Variants in FCHO2 observed in about 807,000 individuals in gnomAD.
FCHO2 encodes the protein F-BAR domain only protein 2.
A neutral mutation model predicts 114.1 loss-of-function variants in FCHO2; 43 were observed. That is an observed-to-expected ratio of 0.38 (90% CI 0.30 to 0.49). FCHO2 has a LOEUF of 0.49. Ranked by LOEUF, FCHO2 falls within the 20% of genes least tolerant of loss-of-function variation. FCHO2 has a pLI of 0.97. For missense variants in FCHO2, 807 were observed against 950.4 expected, an observed-to-expected ratio of 0.85 and a Z score of 1.98; for synonymous variants, 293 against 315.2, an observed-to-expected ratio of 0.93 and a Z score of 0.75.
At chr5:72,979,366 A>AT (rs1230844885) in intron 2 of FCHO2, among the ~76,000 whole-genome samples, 2 of 109,834 alleles carry the variant, frequency 1.8e-5, no homozygotes, top group Admixed American at 1.0e-4. Flanking sequence ...GTGTCCAGGA[A>AT]TTTATCAATT....
chr5:72,968,657 A>C, intron 2 of FCHO2, 68 bp downstream of exon 2: 1 of 1,107,268 alleles, frequency 9.0e-7, no homozygotes, highest in Non-Finnish European at 1.3e-6. Context: ...GAATATAAAT[A>C]ATGGAGAAAA....
intron 1 of FCHO2, among the ~76,000 whole-genome samples, chr5:72,964,086 C>A (rs1366092541): frequency 1.3e-5 from 2 of 151,636 alleles, no homozygotes; most frequent in Non-Finnish European, 2.9e-5. Context: ...ATGAAAAATA[C>A]TTTCATTTAT....
intron 8 of FCHO2, chr5:73,020,808 G>T: frequency 2.2e-6 from 2 of 922,426 alleles, no homozygotes; most frequent in Non-Finnish European, 1.8e-6. Flanking sequence ...CCTCTTGAAT[G>T]GTCCTGTCTG....
At chr5:73,062,736 TC>T (rs1173334488) in intron 17 of FCHO2, among the ~76,000 whole-genome samples, 3 of 152,064 alleles carry the variant, frequency 2.0e-5, no homozygotes, top group African/African-American at 7.2e-5. Context: ...CAACTTTCAA[TC>T]CGTGTGACTA....
intron 1 of FCHO2, among the ~76,000 whole-genome samples, chr5:72,962,573 A>G (rs749325822): frequency 2.6e-5 from 4 of 152,126 alleles, no homozygotes; most frequent in Admixed American, 6.6e-5. Context: ...CTTGGGTTTC[A>G]GTTTTCTTAG....
intron 2 of FCHO2, among the ~76,000 whole-genome samples, chr5:72,970,764 T>G (rs1242119223): frequency 6.6e-6 from 1 of 152,168 alleles, no homozygotes; most frequent in Non-Finnish European, 1.5e-5. Flanking sequence ...GTTAGTTACA[T>G]ATGTATACAT....
chr5:72,979,378 C>CTTTTTTTTTTTTT (rs60234739), intron 2 of FCHO2, among the ~76,000 whole-genome samples: 2 of 49,770 alleles, frequency 4.0e-5, no homozygotes, highest in African/African-American at 8.2e-5. Flanking sequence ...TTATCAATTT[C>CTTTTTTTTTTTTT]TTTTTTTTTT....
chr5:72,986,891 T>C (rs555327082), intron 2 of FCHO2, among the ~76,000 whole-genome samples: 19 of 151,262 alleles, frequency 1.3e-4, no homozygotes, highest in Non-Finnish European at 2.1e-4. Flanking sequence ...TTTTCTTTTT[T>C]TTTTTTGAGA....
Position 73,059,507 on chromosome 5 carries a change from T to G in FCHO2, c.1345+983T>G, listed in dbSNP as rs1406934424. Reference sequence around the variant, plus strand: ...AAGCCATTGTTCTATCTGTCACACTTTGGCAGATTAACAGCAACAACAAAA... The same window carrying G: ...AAGCCATTGTTCTATCTGTCACACTGTGGCAGATTAACAGCAACAACAAAA... On this transcript the variant is annotated intron_variant, in intron 17 of 25. Transcript: ENST00000430046. Among the ~76,000 whole-genome samples, 9 of 152,230 alleles carry G rather than the reference T, an allele frequency of 5.9e-5. No homozygotes were observed. In the East Asian group the frequency reaches 1.7e-3, roughly 29 times the overall value.
chr5:72,986,885 C>CTT (rs202221560), intron 2 of FCHO2, among the ~76,000 whole-genome samples: 6 of 136,332 alleles, frequency 4.4e-5, no homozygotes, highest in Admixed American at 7.3e-5. Flanking sequence ...TTTTTTTTTT[C>CTT]TTTTTTTTTT....
At chr5:73,059,018 T>A (rs929014423) in intron 17 of FCHO2, among the ~76,000 whole-genome samples, 3 of 152,158 alleles carry the variant, frequency 2.0e-5, no homozygotes, top group African/African-American at 7.2e-5. Flanking sequence ...TAGAAAGGCT[T>A]TAACACTTCC....
intron 11 of FCHO2, among the ~76,000 whole-genome samples, chr5:73,048,049 A>T (rs979036456): frequency 6.6e-6 from 1 of 151,048 alleles, no homozygotes; most frequent in Non-Finnish European, 1.5e-5. Context: ...TGCCAGCTCT[A>T]CTGCTGGTCT....
chr5:72,970,405 C>T (rs1281873964), intron 2 of FCHO2, among the ~76,000 whole-genome samples: 1 of 152,128 alleles, frequency 6.6e-6, no homozygotes, highest in African/African-American at 2.4e-5. Context: ...TATAGACAGG[C>T]TTCCTCTGTC....
chr5:72,998,474 G>A lies in FCHO2; in HGVS notation c.495+7610G>A, dbSNP rs370744130. Reference sequence around the variant, plus strand: ...TGCACTCCAGTCTGGGCAACAGAGCGAAACTCCGTCTCAAAAAAGAAAAAA... The same window carrying A: ...TGCACTCCAGTCTGGGCAACAGAGCAAAACTCCGTCTCAAAAAAGAAAAAA... On this transcript the variant is annotated intron_variant, in intron 5 of 25. Transcript: ENST00000430046. 5.3e-5 allele frequency among the ~76,000 whole-genome samples: 8 copies of A among 151,628 alleles called. No homozygotes were observed. In the South Asian group the frequency reaches 1.3e-3, roughly 24 times the overall value.
intron 10 of FCHO2, among the ~76,000 whole-genome samples, chr5:73,039,054 G>C (rs1756673647): frequency 6.6e-6 from 1 of 152,132 alleles, no homozygotes; most frequent in Non-Finnish European, 1.5e-5. Flanking sequence ...AAGCCACTTA[G>C]GGTGGTTTTT....
At chr5:72,972,733 A>C (rs1253055722) in intron 2 of FCHO2, among the ~76,000 whole-genome samples, 1 of 152,106 alleles carries the variant, frequency 6.6e-6, no homozygotes, top group Non-Finnish European at 1.5e-5. Context: ...AACTTCCAAC[A>C]CTATGTTGAC....
rs150600934 is a variant in FCHO2 at position 72,957,001 on chromosome 5, G to T, written c.33+872G>T. Among the ~76,000 whole-genome samples the T allele has an allele frequency of 1.5e-3, 228 of 152,174 alleles. 1 individual carries two copies. Among genetic ancestry groups the T allele is most frequent in the African/African-American group, 5.4e-3 (223 of 41,528 alleles). The stretch of plus-strand genomic sequence containing the variant: ...CCATTTTATGCCCTGACAGTTGCAA[G>T]TACTGCAGGTCCATTTTCGTTGAGA... On this transcript the variant is annotated intron_variant, in intron 1 of 25. Coordinates refer to ENST00000430046, the MANE Select transcript of FCHO2 (RefSeq NM_138782.3).
chr5:72,961,835 C>T (rs1318463077), intron 1 of FCHO2, among the ~76,000 whole-genome samples: 1 of 152,172 alleles, frequency 6.6e-6, no homozygotes, highest in East Asian at 1.9e-4. Context: ...AGGTGATCCG[C>T]CTGCCTCGGC....
At position 73,087,919 on chromosome 5, in the gene FCHO2, G is replaced by C. The variant is rs559456850; in HGVS notation, c.2411-149G>C. ...GACACACCTGGGAGAGAGTTCTTAC[G>C]GTCAGTATAGCTGAACACCTGTTAT... On this transcript the variant is annotated intron_variant, in intron 25 of 25. Coordinates refer to ENST00000430046, the MANE Select transcript of FCHO2 (RefSeq NM_138782.3). 5 of 1,361,166 alleles carry C rather than the reference G, an allele frequency of 3.7e-6. No homozygotes were observed. The African/African-American group carries it at 5.8e-5, about 16-fold the overall frequency. The allele number at this position is 1,361,166 out of a possible 1,614,324, so 84.3% of individuals were successfully genotyped here.
Sources: gnomAD v4.1 joint callset for allele counts (sites outside exome capture counted in the v4.1 genomes callset) on GRCh38, gnomAD v4.1.1 for gene constraint, MANE v1.5 for transcripts, NCBI Gene and HGNC (gene_info 2026-07-23, HGNC 2026-07-21) for gene names.